The following BRD10 variants were observed in gnomAD, a reference collection of about 807,000 sequenced individuals.
BRD10 encodes the protein uncharacterized bromodomain-containing protein 10.
chr9:5,941,571 G>A, the BRD10 span, among the ~76,000 whole-genome samples: 5,284 of 152,134 alleles, frequency 0.035, 246 homozygotes, highest in African/African-American at 0.1. Flanking sequence ...GGGATCAAGT[G>A]AACTGCGTAT....
chr9:5,923,198 T>C, the BRD10 span: 1 of 1,613,898 alleles, frequency 6.2e-7, no homozygotes, highest in African/African-American at 1.3e-5. Flanking sequence ...TTGTTTGGAC[T>C]GTCGTTTAAG....
At chr9:6,007,700 C>A in the BRD10 span, 2 of 1,608,688 alleles carry the variant, frequency 1.2e-6, no homozygotes, top group African/African-American at 2.7e-5. Flanking sequence ...GCCACCTCCT[C>A]CTCGTCGTCC....
chr9:6,000,438 T>G, the BRD10 span, among the ~76,000 whole-genome samples: 2 of 152,214 alleles, frequency 1.3e-5, no homozygotes, highest in African/African-American at 2.4e-5. Flanking sequence ...AAAGATCATC[T>G]GAAAGCTAAA....
chr9:5,908,338 G>C, the BRD10 span, among the ~76,000 whole-genome samples: 3 of 152,160 alleles, frequency 2.0e-5, no homozygotes, highest in Non-Finnish European at 2.9e-5. Context: ...TCTATAAATA[G>C]CATTCAATGA....
At chr9:5,933,188 C>T in the BRD10 span, among the ~76,000 whole-genome samples, 126,701 of 152,144 alleles carry the variant, frequency 0.83, 53,540 homozygotes, top group Non-Finnish European at 0.93. Flanking sequence ...AGTTCTGACT[C>T]TCCTTTATAA....
At chr9:5,967,970 A>AATTTG in the BRD10 span, 1 of 1,212,372 alleles carries the variant, frequency 8.2e-7, no homozygotes, top group Non-Finnish European at 1.1e-6. Context: ...TGGAAAAAAC[A>AATTTG]ATTTGAATTA....
chr9:5,932,591 T>C, the BRD10 span, among the ~76,000 whole-genome samples: 2 of 152,302 alleles, frequency 1.3e-5, no homozygotes, highest in East Asian at 3.9e-4. Context: ...GTGTGTAGGT[T>C]ATACATAAAG....
the BRD10 span, chr9:5,954,170 T>C: frequency 3.9e-6 from 3 of 770,418 alleles, no homozygotes; most frequent in African/African-American, 3.5e-5. Context: ...ATTACGCAGA[T>C]CCTTGAAAGT....
At chr9:5,992,916 T>G in the BRD10 span, among the ~76,000 whole-genome samples, 1 of 71,074 alleles carries the variant, frequency 1.4e-5, no homozygotes, top group Non-Finnish European at 4.2e-5. Flanking sequence ...TGAACACTTT[T>G]GCATTATGTG....
the BRD10 span, among the ~76,000 whole-genome samples, chr9:5,918,347 G>C: frequency 2.0e-5 from 3 of 152,104 alleles, no homozygotes; most frequent in Non-Finnish European, 4.4e-5. Context: ...TAAATGGAAG[G>C]ATGAGTATAC....
chr9:5,891,931 G>A, the BRD10 span, among the ~76,000 whole-genome samples: 1 of 152,180 alleles, frequency 6.6e-6, no homozygotes, highest in African/African-American at 2.4e-5. Flanking sequence ...TCAACCTCAT[G>A]CACCCTCGCG....
the BRD10 span, among the ~76,000 whole-genome samples, chr9:5,966,455 C>CTTTTT: frequency 0.019 from 1,613 of 83,720 alleles, 60 homozygotes; most frequent in East Asian, 0.03. Context: ...CTAACATTTC[C>CTTTTT]TTTTTTTTTT....
the BRD10 span, among the ~76,000 whole-genome samples, chr9:5,897,917 A>G: frequency 1.3e-5 from 2 of 152,152 alleles, no homozygotes; most frequent in African/African-American, 4.8e-5. Context: ...TAAATAAATG[A>G]AATTCATTTG....
the BRD10 span, among the ~76,000 whole-genome samples, chr9:5,894,028 A>G: frequency 6.6e-6 from 1 of 151,910 alleles, no homozygotes; most frequent in South Asian, 2.1e-4. This position sits in a 1 kb window ranked among gnomAD's most constrained non-coding sequence, Gnocchi z 4.0. Context: ...ATTTAAATCC[A>G]GGTCTGTTTG....
the BRD10 span, among the ~76,000 whole-genome samples, chr9:5,984,593 C>G: frequency 6.6e-6 from 1 of 152,128 alleles, no homozygotes; most frequent in Non-Finnish European, 1.5e-5. Flanking sequence ...ATCTATGCAT[C>G]TAATAGCACA....
chr9:5,914,591 T>A, the BRD10 span, among the ~76,000 whole-genome samples: 4 of 151,618 alleles, frequency 2.6e-5, no homozygotes, highest in Admixed American at 2.0e-4. Flanking sequence ...GCTCGGCTAA[T>A]TTTTTGTATT....
chr9:5,882,959 TG>T, the BRD10 span, among the ~76,000 whole-genome samples: 1 of 151,520 alleles, frequency 6.6e-6, no homozygotes, highest in Non-Finnish European at 1.5e-5. Context: ...AATTGAACAA[TG>T]AGAACACTTG....
the BRD10 span, among the ~76,000 whole-genome samples, chr9:5,935,428 G>A: frequency 4.6e-5 from 7 of 152,168 alleles, no homozygotes; most frequent in Non-Finnish European, 8.8e-5. Context: ...TCCTGGTAAG[G>A]TAGTTCACTA....
At chr9:5,929,564 GT>G in the BRD10 span, among the ~76,000 whole-genome samples, 1 of 152,038 alleles carries the variant, frequency 6.6e-6, no homozygotes, top group African/African-American at 2.4e-5. Flanking sequence ...GAAAAGGTAG[GT>G]TTGTTATCAT....
Sources: gnomAD v4.1 joint callset for allele counts (sites outside exome capture counted in the v4.1 genomes callset) on GRCh38, gnomAD v4.1.1 for gene constraint, Gnocchi (gnomAD v3.1) non-coding constraint, MANE v1.5 for transcripts, NCBI Gene and HGNC (gene_info 2026-07-23, HGNC 2026-07-21) for gene names.